MMRN1: variants seen among roughly 807,000 people sequenced by gnomAD.
MMRN1 encodes the protein multimerin 1, also known as multimerin-1.
In MMRN1, 94 loss-of-function variants were observed where a neutral mutation model predicts 100.7. The ratio of observed to expected loss-of-function variants is 0.93; its 90% CI spans 0.79 to 1.11. MMRN1 has a LOEUF of 1.11. MMRN1 is among the 50% of genes least tolerant of loss of function. The pLI is 0.00. For synonymous variants in MMRN1, 575 were observed against 505.0 expected (o/e 1.14, Z -1.86); for missense variants, 1,606 against 1,439.1 (o/e 1.12, Z -1.88).
At position 89,911,942 on chromosome 4, in the gene MMRN1, A is replaced by G; in HGVS notation, c.744-2A>G. The G allele has an allele frequency of 6.4e-7, 1 of 1,559,324 alleles. No individual in the cohort carries two copies. On this transcript the variant is annotated splice_acceptor_variant, in intron 2 of 7. Coordinates refer to ENST00000264790, the MANE Select transcript of MMRN1 (RefSeq NM_007351.3). LOFTEE classifies it high-confidence loss of function. ...TTTCCCTCCAATTGCTCAACTCTCTAGATCTCAGAAGATATCCAATCCTGT... is the reference window on the plus strand; with the variant it reads ...TTTCCCTCCAATTGCTCAACTCTCTGGATCTCAGAAGATATCCAATCCTGT...
Position 89,953,548 on chromosome 4 carries a change from G to T in MMRN1, c.*130G>T. 1 of 678,032 alleles carries T rather than the reference G, an allele frequency of 1.5e-6. No individual in the cohort carries two copies. Among genetic ancestry groups the T allele is most frequent in the South Asian group, 2.9e-5 (1 of 34,294 alleles). The allele number at this position is 678,032 out of a possible 1,614,324, so 42.0% of individuals were successfully genotyped here. On this transcript the variant is annotated 3_prime_UTR_variant, in exon 8 of 8. Transcript: ENST00000264790. ...AAATCAACTTGTTTTTTTAATATGA[G>T]TAAACTTGTATGTCTATTTTATAAA... is the stretch of plus-strand genomic sequence containing the variant.
chr4:89,927,825 A>T lies in MMRN1; in HGVS notation c.986A>T (p.Asn329Ile). Residue 329 changes from asparagine to isoleucine, a missense_variant, in exon 5 of 8, where the codon AAC becomes ATC. Physicochemically the swap from Asn to Ile is moderately radical, Grantham distance 149 (BLOSUM62 -3). Coordinates refer to ENST00000264790, the MANE Select transcript of MMRN1 (RefSeq NM_007351.3). ...ATGCAAAAAATGACTGATCAGGTGA[A>T]CTACCAGGCAATGAAACTGACTCTT... The part of the protein sequence containing the change: ...EVMQKMTDQV[N>I]YQAMKLTLLQ... 1 of 1,611,820 alleles carries T rather than the reference A, an allele frequency of 6.2e-7. No individual in the cohort carries two copies. The highest frequency in any genetic ancestry group is 8.5e-7 in the Non-Finnish European group (1 of 1,179,128).
intron 1 of MMRN1, among the ~76,000 whole-genome samples, chr4:89,904,323 T>C (rs1241715040): frequency 6.6e-6 from 1 of 151,858 alleles, no homozygotes; most frequent in Non-Finnish European, 1.5e-5. Flanking sequence ...TCTTTAAATG[T>C]ACAGTTCTGT....
chr4:89,898,626 C>T (rs77488767), intron 1 of MMRN1, among the ~76,000 whole-genome samples: 3,395 of 151,656 alleles, frequency 0.022, 50 homozygotes, highest in Middle Eastern at 0.061. Flanking sequence ...CCTCATCTTC[C>T]GCCACTTCCG....
chr4:89,920,794 C>A (rs1244721058), intron 3 of MMRN1, among the ~76,000 whole-genome samples: 1 of 151,730 alleles, frequency 6.6e-6, no homozygotes, highest in Admixed American at 6.6e-5. Context: ...ATAGAAATCA[C>A]CTGTAGAGTT....
chr4:89,922,455 G>T (rs749829221), intron 3 of MMRN1, among the ~76,000 whole-genome samples: 1 of 152,136 alleles, frequency 6.6e-6, no homozygotes, highest in Non-Finnish European at 1.5e-5. Flanking sequence ...TTTCCCCAAT[G>T]AAAAACTATA....
intron 6 of MMRN1, among the ~76,000 whole-genome samples, chr4:89,941,851 A>G (rs1043545637): frequency 1.3e-5 from 2 of 152,200 alleles, no homozygotes; most frequent in Non-Finnish European, 2.9e-5. Flanking sequence ...TTGTGTCAAT[A>G]AAACATATCA....
chr4:89,932,561 A>C (rs1004512734), intron 5 of MMRN1, among the ~76,000 whole-genome samples: 1 of 152,150 alleles, frequency 6.6e-6, no homozygotes, highest in African/African-American at 2.4e-5. Context: ...ATGTGTTTTC[A>C]TACATTCTCT....
intron 1 of MMRN1, among the ~76,000 whole-genome samples, chr4:89,904,488 C>T (rs1338993922): frequency 1.3e-5 from 2 of 151,670 alleles, no homozygotes; most frequent in African/African-American, 4.8e-5. Flanking sequence ...TATTTTCTGT[C>T]TCTATGAATT....
chr4:89,927,902 A>G lies in MMRN1; in HGVS notation c.1063A>G (p.Thr355Ala), dbSNP rs754987186. Residue 355 changes from threonine to alanine, a missense_variant, in exon 5 of 8, where the codon ACT becomes GCT. Thr to Ala is a moderately conservative substitution (Grantham distance 58). Coordinates refer to ENST00000264790, the MANE Select transcript of MMRN1 (RefSeq NM_007351.3). Reference protein sequence around the residue: ...ISLTVNDVRNTYSSLEGKVSE... With the variant: ...ISLTVNDVRNAYSSLEGKVSE... ...TTTGACTGTGAATGATGTAAGGAAC[A>G]CTTACTCCTCCCTAGAAGGAAAAGT... 6.2e-7 allele frequency: 1 copy of G among 1,611,344 alleles called. No homozygotes were observed. Among genetic ancestry groups the G allele is most frequent in the South Asian group, 1.1e-5 (1 of 90,494 alleles).
In MMRN1 at chr4:89,927,788, T is replaced by A; in HGVS notation, c.956-7T>A. 1 of 1,602,552 alleles carries A rather than the reference T, an allele frequency of 6.2e-7. No individual in the cohort carries two copies. ...TTAATGGTCTCAATTTTCTCTTCTA[T>A]ATGCAGAAGTGATGCAAAAAATGAC... On this transcript the variant is annotated splice_polypyrimidine_tract_variant and splice_region_variant and intron_variant, in intron 4 of 7. Transcript: ENST00000264790.
At chr4:89,883,709 A>G (rs1450187139) in intron 1 of MMRN1, among the ~76,000 whole-genome samples, 1 of 152,016 alleles carries the variant, frequency 6.6e-6, no homozygotes, top group Non-Finnish European at 1.5e-5. Flanking sequence ...ATTTGTTTTC[A>G]ACTATGTCCT....
In MMRN1 at chr4:89,935,217, T is replaced by C. The variant is rs762465816; in HGVS notation, c.1537T>C (p.Leu513=). The C allele has an allele frequency of 6.2e-7, 1 of 1,613,328 alleles. No homozygotes were observed. The highest frequency in any genetic ancestry group is 1.7e-5 in the Admixed American group (1 of 59,920). ...YESLNKTLSK[L]KEVHEQLLST... is the part of the protein sequence containing the mutation. ...ATCCCTCAATAAAACTCTTTCTAAA[T>C]TGAAGGAAGTACATGAGCAGCTTTT... The change falls in exon 6 of 8, where the codon TTG becomes CTG. Residue 513 remains leucine (L), a synonymous_variant. Coordinates refer to ENST00000264790, the MANE Select transcript of MMRN1 (RefSeq NM_007351.3).
At position 89,907,109 on chromosome 4, in the gene MMRN1, T is replaced by C. The variant is rs116817295; in HGVS notation, c.624-2167T>C. On this transcript the variant is annotated intron_variant, in intron 1 of 7. Transcript: ENST00000264790. Reference sequence around the variant, plus strand: ...TCAGTCTCAGTAATTAGGATCATCATTGCATTTGCATGAGGAATCTAGTTA... The same window carrying C: ...TCAGTCTCAGTAATTAGGATCATCACTGCATTTGCATGAGGAATCTAGTTA... 8.0e-3 allele frequency among the ~76,000 whole-genome samples: 1,216 copies of C among 151,674 alleles called. 17 individuals are homozygous for C. Among genetic ancestry groups the C allele is most frequent in the African/African-American group, 0.027 (1,131 of 41,492 alleles).
intron 3 of MMRN1, among the ~76,000 whole-genome samples, chr4:89,916,383 AAC>A (rs1721920212): frequency 4.0e-5 from 6 of 151,168 alleles, no homozygotes; most frequent in African/African-American, 1.5e-4. Flanking sequence ...AAAACAAACA[AAC>A]AAACAATAAA....
rs184945759 is a variant in MMRN1 at position 89,933,814 on chromosome 4, C to A, written c.1130-996C>A. ...GATGAGGTTTGGGTGGGGACACAGC[C>A]AAACCATATTAATTATATTTTGAAT... On this transcript the variant is annotated intron_variant, in intron 5 of 7. Coordinates refer to ENST00000264790, the MANE Select transcript of MMRN1 (RefSeq NM_007351.3). 2.1e-3 allele frequency among the ~76,000 whole-genome samples: 313 copies of A among 152,188 alleles called. 4 individuals carry two copies. The South Asian group carries it at 0.025, about 12-fold the overall frequency.
intron 1 of MMRN1, among the ~76,000 whole-genome samples, chr4:89,897,027 A>G (rs1721227336): frequency 6.6e-6 from 1 of 152,110 alleles, no homozygotes; most frequent in African/African-American, 2.4e-5. Context: ...GGACAACAGG[A>G]TTTTATCTAT....
At chr4:89,923,815 T>A (rs1722164171) in intron 4 of MMRN1, among the ~76,000 whole-genome samples, 1 of 152,210 alleles carries the variant, frequency 6.6e-6, no homozygotes, top group South Asian at 2.1e-4. Flanking sequence ...CTTTAGCTTT[T>A]ACAAACATAA....
At chr4:89,888,368 C>T (rs980697736) in intron 1 of MMRN1, among the ~76,000 whole-genome samples, 1 of 150,766 alleles carries the variant, frequency 6.6e-6, no homozygotes, top group Non-Finnish European at 1.5e-5. Context: ...AGATGTAATT[C>T]TATTGCTCTC....
Sources: gnomAD v4.1 joint callset for allele counts (sites outside exome capture counted in the v4.1 genomes callset) on GRCh38, gnomAD v4.1.1 for gene constraint, MANE v1.5 for transcripts, NCBI Gene and HGNC (gene_info 2026-07-23, HGNC 2026-07-21) for gene names.